The following GRHL2 variants were observed in gnomAD, a reference collection of about 807,000 sequenced individuals.
The protein encoded by GRHL2 is grainyhead like transcription factor 2.
GRHL2 carries 21 observed loss-of-function variants against 83.8 expected under a neutral mutation model. That is an observed-to-expected ratio of 0.25 (90% CI 0.18 to 0.36). The LOEUF is 0.36. Ranked by LOEUF, GRHL2 falls within the 10% of genes least tolerant of loss-of-function variation. The probability of loss-of-function intolerance (pLI) is 1.00; values close to 1 mark genes in which losing one functional copy is unlikely to be tolerated. For synonymous variants in GRHL2, 280 were observed against 278.9 expected (o/e 1.00, Z -0.04); for missense variants, 623 against 781.8 (o/e 0.80, Z 2.42).
intron 1 of GRHL2, among the ~76,000 whole-genome samples, chr8:101,493,530 T>G (rs535541284): frequency 6.6e-6 from 1 of 152,020 alleles, no homozygotes; most frequent in South Asian, 2.1e-4. Flanking sequence ...GGGGAACTCA[T>G]GTGAGGCCTC....
intron 1 of GRHL2, among the ~76,000 whole-genome samples, chr8:101,516,950 T>C (rs1374845047): frequency 6.6e-6 from 1 of 152,144 alleles, no homozygotes; most frequent in Admixed American, 6.6e-5. Flanking sequence ...AAAACTCACA[T>C]ACCTTGGTTA....
chr8:101,626,725 G>A (rs1813087597), intron 9 of GRHL2, among the ~76,000 whole-genome samples: 1 of 152,052 alleles, frequency 6.6e-6, no homozygotes, highest in Non-Finnish European at 1.5e-5. Context: ...GACAAATTTA[G>A]TATCTGTAGC....
At chr8:101,593,820 C>A (rs1409355547) in intron 7 of GRHL2, among the ~76,000 whole-genome samples, 1 of 151,818 alleles carries the variant, frequency 6.6e-6, no homozygotes, top group Non-Finnish European at 1.5e-5. Context: ...AATCCCAGCA[C>A]TTTGGGAGAC....
At chr8:101,623,333 A>G (rs527248336) in intron 9 of GRHL2, among the ~76,000 whole-genome samples, 152 of 152,358 alleles carry the variant, frequency 1.0e-3, no homozygotes, top group Non-Finnish European at 2.0e-3. Context: ...ACAGTAGAAC[A>G]GTTTAGGACA....
the GRHL2 span, among the ~76,000 whole-genome samples, chr8:101,678,997 A>C: frequency 2.9e-5 from 4 of 138,684 alleles, no homozygotes; most frequent in East Asian, 2.0e-4. Flanking sequence ...GAAAAACTGG[A>C]AACTCTAAAA....
chr8:101,528,682 G>T, intron 1 of GRHL2: 1 of 217,676 alleles, frequency 4.6e-6, no homozygotes, highest in South Asian at 7.3e-5. Flanking sequence ...CCCATAGCGC[G>T]AGGCTCTTTT....
chr8:101,543,602 C>A, intron 2 of GRHL2, 166 bp downstream of exon 2: 1 of 701,166 alleles, frequency 1.4e-6, no homozygotes, highest in South Asian at 1.5e-5. Flanking sequence ...GCTTCCCCAT[C>A]TACAAAGCTC....
At chr8:101,604,463 G>A (rs12678441) in intron 8 of GRHL2, among the ~76,000 whole-genome samples, 1 of 151,930 alleles carries the variant, frequency 6.6e-6, no homozygotes. Context: ...TTCTCTGTTC[G>A]CAGTGATTTT....
intron 14 of GRHL2, among the ~76,000 whole-genome samples, chr8:101,651,109 G>A (rs1813613379): frequency 6.6e-6 from 1 of 152,126 alleles, no homozygotes; most frequent in South Asian, 2.1e-4. Context: ...AATAAACCAA[G>A]ATTTTCAAAA....
rs200631319 is a variant in GRHL2, at chr8:101,562,299, G to GTC, written c.678+3488_678+3489insCT. 1.8e-3 allele frequency: 1,090 copies of GTC among 613,716 alleles called. 3 individuals carry two copies. In the African/African-American group the frequency reaches 0.018, roughly 10 times the overall value. 38.0% of individuals were successfully genotyped at this position (613,716 alleles called of 1,614,324 possible). On this transcript the variant is annotated intron_variant, in intron 4 of 15. Coordinates refer to ENST00000646743, the MANE Select transcript of GRHL2 (RefSeq NM_024915.4). ...TTCAAATTCAAATGAATTATACGCC[G>GTC]TAAGCCCTTTACCAGCTGCTTTCAG...
chr8:101,585,614 G>A (rs1352106526), intron 7 of GRHL2, among the ~76,000 whole-genome samples: 1 of 152,154 alleles, frequency 6.6e-6, no homozygotes, highest in Non-Finnish European at 1.5e-5. Context: ...ACGAGTTCAT[G>A]TGCAGTGTAA....
At chr8:101,516,502 C>T (rs1325014052) in intron 1 of GRHL2, among the ~76,000 whole-genome samples, 2 of 148,512 alleles carry the variant, frequency 1.3e-5, no homozygotes, top group Admixed American at 6.8e-5. Context: ...ACTGCAACCT[C>T]GATCTCCCAG....
At chr8:101,615,749 C>G (rs1337282480) in intron 8 of GRHL2, among the ~76,000 whole-genome samples, 7 of 152,238 alleles carry the variant, frequency 4.6e-5, no homozygotes, top group African/African-American at 1.4e-4. Context: ...AGAGCACCAT[C>G]GTATATTCTC....
intron 8 of GRHL2, among the ~76,000 whole-genome samples, chr8:101,613,457 C>T (rs1812792808): frequency 6.6e-6 from 1 of 150,844 alleles, no homozygotes; most frequent in Admixed American, 6.6e-5. Context: ...CCCGTATTCC[C>T]ATCTCCCAGC....
intron 11 of GRHL2, among the ~76,000 whole-genome samples, chr8:101,632,974 G>A (rs1052889396): frequency 2.6e-5 from 4 of 152,050 alleles, no homozygotes; most frequent in African/African-American, 4.8e-5. Flanking sequence ...TCAAGTTGAT[G>A]GAATATTATG....
At position 101,573,722 on chromosome 8, in the gene GRHL2, G is replaced by A. The variant is rs771314716; in HGVS notation, c.789G>A (p.Gly263=). The A allele has an allele frequency of 1.2e-6, 2 of 1,614,150 alleles. No individual in the cohort carries two copies. The highest frequency in any genetic ancestry group is 8.5e-7 in the Non-Finnish European group (1 of 1,180,028). The change falls in exon 6 of 16, where the codon GGG becomes GGA. Residue 263 remains glycine (G), a synonymous_variant. Coordinates refer to ENST00000646743, the MANE Select transcript of GRHL2 (RefSeq NM_024915.4). ...EATKSLRQKQ[G]EGPMTYLNKG... The stretch of plus-strand genomic sequence containing the variant: ...CCAAATCTCTCCGTCAGAAGCAGGG[G>A]GAGGGCCCCATGACCTACCTCAACA...
chr8:101,619,438 A>G, intron 8 of GRHL2, 101 bp from the exon 9 acceptor site: 1 of 937,278 alleles, frequency 1.1e-6, no homozygotes, highest in Non-Finnish European at 1.7e-6. Flanking sequence ...AGTTGTCTTT[A>G]TGGGGTTGTT....
At chr8:101,514,660 G>A (rs1810532776) in intron 1 of GRHL2, among the ~76,000 whole-genome samples, 1 of 152,212 alleles carries the variant, frequency 6.6e-6, no homozygotes, top group Non-Finnish European at 1.5e-5. Flanking sequence ...CTGGAGTGCT[G>A]CAAGGTGCCT....
intron 1 of GRHL2, among the ~76,000 whole-genome samples, chr8:101,521,752 A>G (rs2130047428): frequency 6.6e-6 from 1 of 152,340 alleles, no homozygotes; most frequent in Non-Finnish European, 1.5e-5. Flanking sequence ...ACTTGGACTT[A>G]TATACCTAGG....
Sources: allele counts gnomAD v4.1 joint callset (sites outside exome capture counted in the v4.1 genomes callset), GRCh38; gene constraint gnomAD v4.1.1; transcripts MANE v1.5; gene names NCBI Gene and HGNC (gene_info 2026-07-23, HGNC 2026-07-21).